CHCHD10: variants seen among roughly 807,000 people sequenced by gnomAD.
CHCHD10 encodes coiled-coil-helix-coiled-coil-helix domain-containing protein 10, mitochondrial.
A neutral mutation model predicts 14.8 loss-of-function variants in CHCHD10; 10 were observed. That is an observed-to-expected ratio of 0.67 (90% CI 0.42 to 1.14). The LOEUF (loss-of-function observed/expected upper bound fraction) is 1.14, where lower values mean the gene tolerates loss of function less well. Among genes scored for constraint, CHCHD10 ranks in the 50% most tolerant of loss-of-function variants. CHCHD10 has a pLI of 0.00. For synonymous variants in CHCHD10, 90 were observed against 85.2 expected, an observed-to-expected ratio of 1.06 and a Z score of -0.31; for missense variants, 203 against 196.9, an observed-to-expected ratio of 1.03 and a Z score of -0.19.
intron 2 of CHCHD10, among the ~76,000 whole-genome samples, chr22:23,767,063 C>T (rs1232677553): frequency 1.3e-5 from 2 of 152,314 alleles, no homozygotes; most frequent in Non-Finnish European, 2.9e-5. Context: ...ATCCAACATC[C>T]CTCCCCTCTG....
intron 1 of CHCHD10, 91 bp from the exon 2 acceptor site, chr22:23,767,684 G>T: frequency 2.4e-6 from 2 of 826,938 alleles, no homozygotes; most frequent in South Asian, 1.9e-5. Flanking sequence ...AGAGATGGAC[G>T]ACCCACGTCT....
rs1414059345 is a variant in CHCHD10, at chr22:23,767,898, G to A, written c.-24C>T. On this transcript the variant is annotated 5_prime_UTR_variant, in exon 1 of 4. Coordinates refer to ENST00000484558, the MANE Select transcript of CHCHD10 (RefSeq NM_213720.3). ...ATGGTGGCGGCGGTGGGACCCGGGC[G>A]ACCTTAGAGACGGCGGCAGCGGTGC... is the stretch of plus-strand genomic sequence containing the variant. 7.4e-6 allele frequency: 11 copies of A among 1,485,662 alleles called. No individual in the cohort carries two copies. In the South Asian group the frequency reaches 1.0e-4, roughly 14 times the overall value. 92.0% of individuals were successfully genotyped at this position (1,485,662 alleles called of 1,614,324 possible). A position where few individuals can be genotyped will look rare whatever the true frequency, so the allele number is the denominator to read the frequency against.
rs1030635049 is a variant in CHCHD10, at chr22:23,765,953, C to T, written c.*54G>A. On this transcript the variant is annotated 3_prime_UTR_variant, in exon 4 of 4. Coordinates refer to ENST00000484558, the MANE Select transcript of CHCHD10 (RefSeq NM_213720.3). The stretch of plus-strand genomic sequence containing the variant: ...CAATCTGGTGTTGTGGTCTGGCTGT[C>T]GGCGAGGGGTAGAGGTGGGTGCAGG... 39 of 1,612,136 alleles carry T rather than the reference C, an allele frequency of 2.4e-5. No homozygotes were observed. In the African/African-American group the frequency reaches 3.1e-4, roughly 13 times the overall value.
rs1441366419 is a variant in CHCHD10 at position 23,766,135 on chromosome 22, G to T, written c.402C>A (p.Tyr134Ter). The change falls in exon 3 of 4, where the codon TAC becomes TAA. Residue 134 changes from tyrosine (Y) to a stop codon, truncating the protein, a stop_gained. Coordinates refer to ENST00000484558, the MANE Select transcript of CHCHD10 (RefSeq NM_213720.3). LOFTEE classifies it high-confidence loss of function. ...CGGGGTCCACTCACTCACCATGGTA[G>T]TACTTGCACTGCTTCAGGGCCTCGC... ...GFSEALKQCKYYHGLSSLP is the reference protein window; with the variant it reads ...GFSEALKQCK The T allele has an allele frequency of 1.2e-6, 2 of 1,613,592 alleles. No individual in the cohort carries two copies. Among genetic ancestry groups the T allele is most frequent in the Admixed American group, 3.3e-5 (2 of 59,942 alleles).
Position 23,767,844 on chromosome 22 carries a change from G to A in CHCHD10, c.31C>T (p.Arg11Trp), listed in dbSNP as rs951686050. 2.6e-6 allele frequency: 4 copies of A among 1,521,686 alleles called. No individual in the cohort carries two copies. Among genetic ancestry groups the A allele is most frequent in the African/African-American group, 1.4e-5 (1 of 69,154 alleles). The allele number at this position is 1,521,686 out of a possible 1,614,324, so 94.3% of individuals were successfully genotyped here. Residue 11 changes from arginine (R) to tryptophan (W), a missense_variant, in exon 1 of 4, where the codon CGG becomes TGG. By Grantham distance (101) the Arg-to-Trp change is moderately radical. Transcript: ENST00000484558. ...TTGTCCCCCTCACACCTGGCTGGCC[G>A]GGAGGCCGCGCTGCGGCTTCCCCGA... MPRGSRSAASRPASRPAAPSA... is the reference protein window; with the variant it reads MPRGSRSAASWPASRPAAPSA...
chr22:23,767,612 G>T lies in CHCHD10; in HGVS notation c.42-19C>A. 1 of 1,062,436 alleles carries T rather than the reference G, an allele frequency of 9.4e-7. No individual in the cohort carries two copies. The highest frequency in any genetic ancestry group is 2.0e-5 in the South Asian group (1 of 49,626). The allele number at this position is 1,062,436 out of a possible 1,614,324, so 65.8% of individuals were successfully genotyped here. On this transcript the variant is annotated intron_variant, in intron 1 of 3. Transcript: ENST00000484558. ...TGGGCGGCTGCGGGGGTGGGAGGAA[G>T]CAGGGTTAATCCTGGCCAGACCCCA...
Position 23,765,886 on chromosome 22 carries a change from G to C in CHCHD10, c.*121C>G. 6.4e-7 allele frequency: 1 copy of C among 1,562,818 alleles called. No individual in the cohort carries two copies. On this transcript the variant is annotated 3_prime_UTR_variant, in exon 4 of 4. Transcript: ENST00000484558. ...ACATTTGTGTCTTGGGTTATCTGTG[G>C]GGTGAGAAACCTCCTCACTTCCAAT...
rs772927642 is a variant in CHCHD10 at position 23,767,482 on chromosome 22, C to A, written c.153G>T (p.Thr51=). ...QPGLMAQMAT[T]AAGVAVGSAV... The stretch of plus-strand genomic sequence containing the variant: ...CCGAGCCCACGGCTACCCCTGCGGC[C>A]GTGGTCGCCATCTGAGCCATGAGCC... Residue 51 remains threonine, a synonymous_variant, in exon 2 of 4, where the codon ACG becomes ACT. Transcript: ENST00000484558. The A allele has an allele frequency of 2.9e-5, 46 of 1,569,858 alleles. No homozygotes were observed. Among genetic ancestry groups the A allele is most frequent in the Non-Finnish European group, 3.9e-5 (45 of 1,159,246 alleles).
chr22:23,767,458 C>G lies in CHCHD10; in HGVS notation c.177G>C (p.Ser59=). The change falls in exon 2 of 4, where the codon TCG becomes TCC. Residue 59 remains serine, a synonymous_variant. Transcript: ENST00000484558. The part of the protein sequence containing the change: ...ATTAAGVAVG[S]AVGHVMGSAL... Reference sequence around the variant, plus strand: ...CGCTGCCCATGACGTGTCCCACAGCCGAGCCCACGGCTACCCCTGCGGCCG... The same window carrying G: ...CGCTGCCCATGACGTGTCCCACAGCGGAGCCCACGGCTACCCCTGCGGCCG... The G allele has an allele frequency of 1.3e-6, 2 of 1,599,534 alleles. No individual in the cohort carries two copies. Among genetic ancestry groups the G allele is most frequent in the Non-Finnish European group, 1.7e-6 (2 of 1,174,782 alleles).
intron 2 of CHCHD10, 145 bp from the exon 3 acceptor site, chr22:23,766,420 G>C (rs1359201301): frequency 1.2e-5 from 8 of 643,104 alleles, no homozygotes; most frequent in Admixed American, 3.0e-5. Context: ...TCCAGCAGCA[G>C]AGGCGGCTAC....
At chr22:23,766,296 G>A in intron 2 of CHCHD10, 21 bp from the exon 3 acceptor site, 1 of 1,538,334 alleles carries the variant, frequency 6.5e-7, no homozygotes, top group Non-Finnish European at 8.8e-7. Flanking sequence ...AGTGCAAGAG[G>A]CTGCAGGATC....
chr22:23,767,697 A>G lies in CHCHD10; in HGVS notation c.42-104T>C, dbSNP rs566366853. On this transcript the variant is annotated intron_variant, in intron 1 of 3. Transcript: ENST00000484558. ...GGAGAGATGGACGACCCACGTCTCC[A>G]CACGTGGGTGCTGCACCCCCACCCC... is the stretch of plus-strand genomic sequence containing the variant. The G allele has an allele frequency of 2.0e-3, 1,736 of 879,272 alleles. 3 individuals are homozygous for G. Among genetic ancestry groups the G allele is most frequent in the Non-Finnish European group, 2.2e-3 (1,296 of 586,430 alleles). 54.5% of individuals were successfully genotyped at this position (879,272 alleles called of 1,614,324 possible). A position where few individuals can be genotyped will look rare whatever the true frequency, so the allele number is the denominator to read the frequency against.
At chr22:23,766,569 T>TTTTAATGATAC in intron 2 of CHCHD10, 2 of 336,446 alleles carry the variant, frequency 5.9e-6, no homozygotes, top group South Asian at 4.7e-5. Context: ...TGTCCTGCCT[T>TTTTAATGATAC]GGCCTCCCAA....
chr22:23,765,943 G>T lies in CHCHD10; in HGVS notation c.*64C>A. 2 of 1,610,718 alleles carry T rather than the reference G, an allele frequency of 1.2e-6. No individual in the cohort carries two copies. The highest frequency in any genetic ancestry group is 1.7e-6 in the Non-Finnish European group (2 of 1,177,932). ...TATCTGGGTACAATCTGGTGTTGTG[G>T]TCTGGCTGTCGGCGAGGGGTAGAGG... is the stretch of plus-strand genomic sequence containing the variant. On this transcript the variant is annotated 3_prime_UTR_variant, in exon 4 of 4. Coordinates refer to ENST00000484558, the MANE Select transcript of CHCHD10 (RefSeq NM_213720.3).
intron 2 of CHCHD10, 159 bp from the exon 3 acceptor site, chr22:23,766,434 C>G: frequency 1.7e-6 from 1 of 588,416 alleles, no homozygotes; most frequent in South Asian, 2.1e-5. Flanking sequence ...CGGCTACAGA[C>G]AGCATGTTTC....
chr22:23,766,253 T>TGGGGGGG lies in CHCHD10; in HGVS notation c.283_284insCCCCCCC (p.Gln95ProfsTer26). ...GGCGCAGGGCCCCATCTGCAGGGGC[T>TGGGGGGG]GGGGGGCAGCGGGGGTGGGGGCCTG... On this transcript the variant is annotated frameshift_variant, in exon 3 of 4. Coordinates refer to ENST00000484558, the MANE Select transcript of CHCHD10 (RefSeq NM_213720.3). LOFTEE classifies it high-confidence loss of function. 9.9e-7 allele frequency: 1 copy of TGGGGGGG among 1,009,582 alleles called. No homozygotes were observed. Among genetic ancestry groups the TGGGGGGG allele is most frequent in the Non-Finnish European group, 1.4e-6 (1 of 739,906 alleles). The allele number at this position is 1,009,582 out of a possible 1,614,324, so 62.5% of individuals were successfully genotyped here. A position where few individuals can be genotyped will look rare whatever the true frequency, so the allele number is the denominator to read the frequency against.
At chr22:23,767,076 A>C (rs1341063487) in intron 2 of CHCHD10, among the ~76,000 whole-genome samples, 1 of 152,174 alleles carries the variant, frequency 6.6e-6, no homozygotes, top group East Asian at 1.9e-4. Flanking sequence ...CCCCTCTGCT[A>C]GGGTGAGGTG....
chr22:23,765,977 G>T lies in CHCHD10; in HGVS notation c.*30C>A. The T allele has an allele frequency of 1.2e-6, 2 of 1,613,032 alleles. No individual in the cohort carries two copies. Among genetic ancestry groups the T allele is most frequent in the South Asian group, 2.2e-5 (2 of 91,008 alleles). ...TCGGCGAGGGGTAGAGGTGGGTGCA[G>T]GACTGGCCCCCGAGTCTGCACCGAC... On this transcript the variant is annotated 3_prime_UTR_variant, in exon 4 of 4. Coordinates refer to ENST00000484558, the MANE Select transcript of CHCHD10 (RefSeq NM_213720.3).
In CHCHD10 at chr22:23,767,917, G is replaced by T. The variant is rs1274865257; in HGVS notation, c.-43C>A. 3 of 1,450,310 alleles carry T rather than the reference G, an allele frequency of 2.1e-6. No individual in the cohort carries two copies. The highest frequency in any genetic ancestry group is 9.1e-7 in the Non-Finnish European group (1 of 1,095,748). The allele number at this position is 1,450,310 out of a possible 1,614,324, so 89.8% of individuals were successfully genotyped here. On this transcript the variant is annotated 5_prime_UTR_variant, in exon 1 of 4. The change creates a new upstream start codon in the 5' untranslated region. Coordinates refer to ENST00000484558, the MANE Select transcript of CHCHD10 (RefSeq NM_213720.3). ...CCGGGCGACCTTAGAGACGGCGGCA[G>T]CGGTGCTGTCGCGGGGACAAATGCC...
Sources: gnomAD v4.1 joint callset for allele counts (sites outside exome capture counted in the v4.1 genomes callset) on GRCh38, gnomAD v4.1.1 for gene constraint, MANE v1.5 for transcripts, NCBI Gene and HGNC (gene_info 2026-07-23, HGNC 2026-07-21) for gene names.